RECK: variants seen among roughly 807,000 people sequenced by gnomAD.
RECK encodes the protein reversion inducing cysteine rich protein with kazal motifs.
RECK carries 69 observed loss-of-function variants against 115.1 expected under a neutral mutation model. The ratio of observed to expected loss-of-function variants is 0.60; its 90% CI spans 0.49 to 0.73. RECK has a LOEUF of 0.73. Among genes scored for constraint, RECK ranks in the 30% least tolerant of loss-of-function variants. The pLI is 0.00. For synonymous variants in RECK, 414 were observed against 419.7 expected (o/e 0.99, Z 0.17); for missense variants, 1,047 against 1,203.7 (o/e 0.87, Z 1.93).
intron 20 of RECK, among the ~76,000 whole-genome samples, 157 bp downstream of exon 20, chr9:36,121,845 A>G (rs891658647): frequency 6.6e-6 from 1 of 152,208 alleles, no homozygotes; most frequent in African/African-American, 2.4e-5. Context: ...AAGCAAGGCA[A>G]TCTCTAAAGG....
chr9:36,092,437 T>C lies in RECK; in HGVS notation c.1085+1094T>C, dbSNP rs563721875. Among the ~76,000 whole-genome samples the C allele has an allele frequency of 9.9e-5, 15 of 152,100 alleles. No homozygotes were observed. The East Asian group carries it at 2.7e-3, about 27-fold the overall frequency. ...CCCAGGCTGGAGTATAGTGGCATGA[T>C]CTCGGCTCACTGCAACCTCCGCCTC... is the stretch of plus-strand genomic sequence containing the variant. On this transcript the variant is annotated intron_variant, in intron 10 of 20. Coordinates refer to ENST00000377966, the MANE Select transcript of RECK (RefSeq NM_021111.3).
intron 10 of RECK, among the ~76,000 whole-genome samples, chr9:36,097,141 T>C (rs912712803): frequency 1.3e-5 from 2 of 152,042 alleles, no homozygotes; most frequent in Admixed American, 6.6e-5. Context: ...CTGGCCAACA[T>C]GGTGAAACCC....
rs776596365 is a variant in RECK, at chr9:36,083,324, A to G, written c.440-41A>G. 8.2e-6 allele frequency: 13 copies of G among 1,578,782 alleles called. No homozygotes were observed. In the East Asian group the frequency reaches 2.2e-4, roughly 27 times the overall value. Reference sequence around the variant, plus strand: ...TGATGATGATTTAATGTTAACAAAAAGCTGTTTCCATGTCAGTGCCTTCTC... The same window carrying G: ...TGATGATGATTTAATGTTAACAAAAGGCTGTTTCCATGTCAGTGCCTTCTC... On this transcript the variant is annotated intron_variant, in intron 7 of 20. Coordinates refer to ENST00000377966, the MANE Select transcript of RECK (RefSeq NM_021111.3).
chr9:36,097,925 C>T (rs570622958), intron 10 of RECK, among the ~76,000 whole-genome samples: 213 of 152,128 alleles, frequency 1.4e-3, no homozygotes, highest in Non-Finnish European at 2.7e-3. Flanking sequence ...AAGCCAGGCA[C>T]AGAAAGACAA....
intron 6 of RECK, among the ~76,000 whole-genome samples, chr9:36,073,917 G>T (rs1010701775): frequency 6.6e-6 from 1 of 152,156 alleles, no homozygotes; most frequent in African/African-American, 2.4e-5. Context: ...AGTACTGCTT[G>T]TTAAATATTC....
chr9:36,081,604 C>T (rs1822693352), intron 7 of RECK, among the ~76,000 whole-genome samples: 1 of 152,080 alleles, frequency 6.6e-6, no homozygotes, highest in African/African-American at 2.4e-5. Context: ...GAGGCAGAGA[C>T]AGGTGGATCA....
At chr9:36,077,564 C>A (rs1241309799) in intron 6 of RECK, among the ~76,000 whole-genome samples, 1 of 151,954 alleles carries the variant, frequency 6.6e-6, no homozygotes, top group Non-Finnish European at 1.5e-5. Context: ...TTCTTTTGAA[C>A]CTTAAAATGG....
intron 2 of RECK, 68 bp from the exon 3 acceptor site, chr9:36,058,759 A>G (rs1052886095): frequency 2.9e-6 from 3 of 1,025,838 alleles, no homozygotes; most frequent in African/African-American, 1.7e-5. Flanking sequence ...CTAGAGGATA[A>G]TAAGTTTTAC....
chr9:36,037,478 CTAGT>C (rs1307556452), intron 1 of RECK, among the ~76,000 whole-genome samples: 4 of 151,892 alleles, frequency 2.6e-5, no homozygotes, highest in South Asian at 2.1e-4. Context: ...TACCGCGGCC[CTAGT>C]TAGTTATTGT....
intron 4 of RECK, among the ~76,000 whole-genome samples, chr9:36,062,757 T>G (rs903284128): frequency 6.6e-6 from 1 of 152,094 alleles, no homozygotes; most frequent in African/African-American, 2.4e-5. Flanking sequence ...GGATTACAGG[T>G]GGGAGCCACT....
At chr9:36,101,961 A>T (rs1233219957) in intron 11 of RECK, 133 bp from the exon 12 acceptor site, 2 of 821,584 alleles carry the variant, frequency 2.4e-6, no homozygotes, top group Admixed American at 6.0e-5. Flanking sequence ...CTCTCCTGTG[A>T]CTCTTGTTCT....
chr9:36,060,114 T>G lies in RECK; in HGVS notation c.235-5T>G. On this transcript the variant is annotated splice_region_variant and splice_polypyrimidine_tract_variant and intron_variant, in intron 3 of 20. Transcript: ENST00000377966. ...ATAAAAGCCTTTTGTTGGGTACACT[T>G]TTAGGTTGAAATTTGGAATTGTATG... 2 of 1,613,634 alleles carry G rather than the reference T, an allele frequency of 1.2e-6. No homozygotes were observed. The highest frequency in any genetic ancestry group is 1.7e-6 in the Non-Finnish European group (2 of 1,179,666).
chr9:36,076,719 T>A (rs1250544509), intron 6 of RECK, among the ~76,000 whole-genome samples: 1 of 152,130 alleles, frequency 6.6e-6, no homozygotes, highest in African/African-American at 2.4e-5. Context: ...TCAAAAATAA[T>A]TTTTTTAGGA....
intron 1 of RECK, among the ~76,000 whole-genome samples, chr9:36,045,019 G>A (rs10121944): frequency 0.087 from 13,215 of 152,214 alleles, 706 homozygotes; most frequent in East Asian, 0.29. Context: ...TGCTGCAGCA[G>A]TGCAATATGA....
chr9:36,112,463 CA>C lies in RECK; in HGVS notation c.2054del (p.Asn685ThrfsTer12). On this transcript the variant is annotated frameshift_variant, in exon 16 of 21. Transcript: ENST00000377966. LOFTEE classifies it high-confidence loss of function. Reference protein sequence around the residue: ...SKDPCNPNPCQKNQRCIPKPQ... With the variant: ...SKDPCNPNPCXKNQRCIPKPQ... ...GGATCCATGTAATCCTAATCCCTGC[CA>C]AAAAAACCAAAGGTAAGTCAAATGG... 9 of 1,613,498 alleles carry C rather than the reference CA, an allele frequency of 5.6e-6. No individual in the cohort carries two copies. Among genetic ancestry groups the C allele is most frequent in the South Asian group, 1.1e-5 (1 of 91,032 alleles).
intron 16 of RECK, among the ~76,000 whole-genome samples, chr9:36,114,267 G>C (rs1227376874): frequency 6.6e-6 from 1 of 152,228 alleles, no homozygotes; most frequent in Non-Finnish European, 1.5e-5. Context: ...GGAAGAAAGT[G>C]AAGTGAATTT....
chr9:36,086,235 A>G (rs1361168745), intron 8 of RECK: 1 of 152,266 alleles, frequency 6.6e-6, no homozygotes, highest in Non-Finnish European at 1.5e-5. Flanking sequence ...ACTTAGATTA[A>G]TTAGCATAAG....
chr9:36,123,069 C>T lies in RECK; in HGVS notation c.*24C>T, dbSNP rs751528846. 3.2e-6 allele frequency: 5 copies of T among 1,562,378 alleles called. No homozygotes were observed. Among genetic ancestry groups the T allele is most frequent in the East Asian group, 4.5e-5 (2 of 44,496 alleles). On this transcript the variant is annotated 3_prime_UTR_variant, in exon 21 of 21. Transcript: ENST00000377966. ...GACTGCCCACGGAAAGTGCAGAATG[C>T]TCCTCCACCTCACTCTCCTGCCTTG...
intron 1 of RECK, among the ~76,000 whole-genome samples, chr9:36,037,698 T>G (rs1820720823): frequency 6.6e-6 from 1 of 151,656 alleles, no homozygotes; most frequent in Non-Finnish European, 1.5e-5. Flanking sequence ...AACTGTTAAG[T>G]GCTTATTGAT....
Sources: gnomAD v4.1 joint callset for allele counts (sites outside exome capture counted in the v4.1 genomes callset) on GRCh38, gnomAD v4.1.1 for gene constraint, MANE v1.5 for transcripts, NCBI Gene and HGNC (gene_info 2026-07-23, HGNC 2026-07-21) for gene names.